The following PMS1 variants were observed in gnomAD, a reference collection of about 807,000 sequenced individuals.
PMS1 encodes PMS1 protein homolog 1.
A neutral mutation model predicts 93.1 loss-of-function variants in PMS1; 79 were observed. That is an observed-to-expected ratio of 0.85 (90% confidence interval 0.71 to 1.02). The LOEUF (loss-of-function observed/expected upper bound fraction) is 1.02. PMS1 is among the 50% of genes least tolerant of loss of function. The pLI, the probability that PMS1 is intolerant of heterozygous loss-of-function variation, is 0.00. For synonymous variants in PMS1, 335 were observed against 363.4 expected, an observed-to-expected ratio of 0.92 and a Z score of 0.89; for missense variants, 1,064 against 1,085.3, an observed-to-expected ratio of 0.98 and a Z score of 0.28.
intron 4 of PMS1, among the ~76,000 whole-genome samples, chr2:189,810,309 G>T (rs2050724402): frequency 6.6e-6 from 1 of 152,204 alleles, no homozygotes; most frequent in South Asian, 2.1e-4. Context: ...TTAAAAACTT[G>T]TAGTCTTTAA....
chr2:189,787,393 C>A (rs2048450136), intron 1 of PMS1, among the ~76,000 whole-genome samples: 1 of 151,984 alleles, frequency 6.6e-6, no homozygotes, highest in African/African-American at 2.4e-5. Context: ...TCCAGAGATA[C>A]ATAATACATA....
At chr2:189,823,081 T>G (rs1470281781) in intron 5 of PMS1, among the ~76,000 whole-genome samples, 1 of 152,128 alleles carries the variant, frequency 6.6e-6, no homozygotes. Flanking sequence ...TTTTTTCTTT[T>G]TTTATTTTAT....
At chr2:189,829,444 T>C (rs1228572108) in intron 5 of PMS1, among the ~76,000 whole-genome samples, 1 of 152,160 alleles carries the variant, frequency 6.6e-6, no homozygotes, top group East Asian at 1.9e-4. Flanking sequence ...TTTAACTGTT[T>C]CTTGCCCCCT....
intron 12 of PMS1, among the ~76,000 whole-genome samples, 192 bp from the exon 13 acceptor site, chr2:189,877,080 A>G (rs1486822409): frequency 6.6e-6 from 1 of 152,204 alleles, no homozygotes; most frequent in South Asian, 2.1e-4. Context: ...TAAATTGCAC[A>G]AGAGCAAGTC....
chr2:189,833,588 AAAG>A (rs1399679348), intron 5 of PMS1, among the ~76,000 whole-genome samples: 2 of 152,230 alleles, frequency 1.3e-5, no homozygotes, highest in African/African-American at 2.4e-5. Flanking sequence ...CAAAAACAAA[AAAG>A]AAGTAAATTC....
At chr2:189,798,734 C>T (rs1424901597) in intron 3 of PMS1, among the ~76,000 whole-genome samples, 23 of 117,454 alleles carry the variant, frequency 2.0e-4, no homozygotes, top group Non-Finnish European at 2.0e-4. Context: ...TTTTTTTTTT[C>T]TGTTTTAGAG....
At chr2:189,817,271 A>G (rs1299431006) in intron 4 of PMS1, among the ~76,000 whole-genome samples, 1 of 152,248 alleles carries the variant, frequency 6.6e-6, no homozygotes, top group African/African-American at 2.4e-5. Flanking sequence ...CTGACTGTAC[A>G]TTCATAAGAA....
chr2:189,870,484 T>C (rs1273728618), intron 11 of PMS1, among the ~76,000 whole-genome samples: 2 of 152,238 alleles, frequency 1.3e-5, no homozygotes, highest in East Asian at 3.8e-4. Flanking sequence ...TCACAGTATT[T>C]TATGGAAACT....
At chr2:189,815,549 C>T (rs530123595) in intron 4 of PMS1, among the ~76,000 whole-genome samples, 27 of 152,246 alleles carry the variant, frequency 1.8e-4, no homozygotes, top group Non-Finnish European at 3.1e-4. Flanking sequence ...TCTCTCATGC[C>T]GCCTTGTGAA....
At chr2:189,873,968 C>G (rs543722846) in intron 12 of PMS1, among the ~76,000 whole-genome samples, 1 of 152,300 alleles carries the variant, frequency 6.6e-6, no homozygotes, top group African/African-American at 2.4e-5. Context: ...TTGGGGACTG[C>G]TGCTGATTCT....
At chr2:189,847,639 G>A (rs1197108865) in intron 6 of PMS1, among the ~76,000 whole-genome samples, 1 of 151,928 alleles carries the variant, frequency 6.6e-6, no homozygotes, top group African/African-American at 2.4e-5. Context: ...TACTTGTCAG[G>A]TCTTTTTCCT....
chr2:189,795,407 T>C (rs1175491808), intron 2 of PMS1, among the ~76,000 whole-genome samples: 1 of 152,220 alleles, frequency 6.6e-6, no homozygotes, highest in African/African-American at 2.4e-5. Flanking sequence ...CTGTTCTGTT[T>C]TGTTTTGGGG....
chr2:189,810,936 G>A (rs1340239443), intron 4 of PMS1, among the ~76,000 whole-genome samples: 4 of 149,606 alleles, frequency 2.7e-5, no homozygotes, highest in Admixed American at 2.7e-4. Context: ...AGAAACAATA[G>A]TGTAAATAAA....
rs144194834 is a variant in PMS1 at position 189,835,156 on chromosome 2, A to G, written c.583-8808A>G. Among the ~76,000 whole-genome samples, 276 of 152,336 alleles carry G rather than the reference A, an allele frequency of 1.8e-3. 2 individuals are homozygous for G. The highest frequency in any genetic ancestry group is 5.9e-3 in the African/African-American group (246 of 41,586). ...TGCCCCTTCTTTAGGTAAAATGTCT[A>G]TTAATTTCTTTGCAACCTTCAGGAA... On this transcript the variant is annotated intron_variant, in intron 5 of 12. Coordinates refer to ENST00000441310, the MANE Select transcript of PMS1 (RefSeq NM_000534.5).
chr2:189,873,540 A>G lies in PMS1; in HGVS notation c.2518A>G (p.Asn840Asp), dbSNP rs369909997. ...TTACTTGGAAATAGAAGGAATGGCT[A>G]ATTGTCTCCCATTCTATGGAGTAGC... ...ENYLEIEGMANCLPFYGVADL... is the reference protein window; with the variant it reads ...ENYLEIEGMADCLPFYGVADL... Residue 840 changes from asparagine (N) to aspartate (D), a missense_variant, in exon 12 of 13, where the codon AAT becomes GAT. Physicochemically the swap from Asn to Asp is conservative, Grantham distance 23. Transcript: ENST00000441310. The G allele has an allele frequency of 2.0e-5, 32 of 1,597,432 alleles. No individual in the cohort carries two copies. Among genetic ancestry groups the G allele is most frequent in the Non-Finnish European group, 2.5e-5 (29 of 1,165,008 alleles).
chr2:189,838,640 C>T (rs539682684), intron 5 of PMS1, among the ~76,000 whole-genome samples: 2 of 152,284 alleles, frequency 1.3e-5, no homozygotes, highest in South Asian at 2.1e-4. Context: ...TTAGTCTGTC[C>T]GTTTTCTCTT....
intron 5 of PMS1, among the ~76,000 whole-genome samples, chr2:189,829,409 C>T (rs1258995820): frequency 1.3e-5 from 2 of 152,140 alleles, no homozygotes; most frequent in Non-Finnish European, 2.9e-5. Flanking sequence ...TCTGTTGGAC[C>T]TGTGATCCCT....
intron 5 of PMS1, among the ~76,000 whole-genome samples, chr2:189,842,157 G>A (rs956551204): frequency 6.6e-5 from 10 of 151,834 alleles, no homozygotes; most frequent in African/African-American, 2.4e-4. Flanking sequence ...TCACACTCTT[G>A]ATTGCCGTTT....
intron 1 of PMS1, among the ~76,000 whole-genome samples, chr2:189,788,580 T>C (rs1399592471): frequency 1.7e-4 from 26 of 152,166 alleles, no homozygotes; most frequent in Admixed American, 1.7e-3. Flanking sequence ...TCCAGCACTG[T>C]TCAATGGAAC....
Sources: allele counts gnomAD v4.1 joint callset (sites outside exome capture counted in the v4.1 genomes callset), GRCh38; gene constraint gnomAD v4.1.1; transcripts MANE v1.5; gene names NCBI Gene and HGNC (gene_info 2026-07-23, HGNC 2026-07-21).